The following RPS6KB1 variants were observed in gnomAD, a reference collection of about 807,000 sequenced individuals.
RPS6KB1 encodes ribosomal protein S6 kinase B1, also known as ribosomal protein S6 kinase beta-1.
A neutral mutation model predicts 70.2 loss-of-function variants in RPS6KB1; 12 were observed. The observed-to-expected ratio is 0.17, with a 90% confidence interval of 0.11 to 0.28. RPS6KB1 has a LOEUF of 0.28. Among genes scored for constraint, RPS6KB1 ranks in the 10% least tolerant of loss-of-function variants. RPS6KB1 has a pLI of 1.00. For synonymous variants in RPS6KB1, 175 were observed against 211.2 expected (o/e 0.83, Z 1.49); for missense variants, 270 against 646.6 (o/e 0.42, Z 6.32).
At position 59,935,215 on chromosome 17, in the gene RPS6KB1, G is replaced by A; in HGVS notation, c.893G>A (p.Arg298Lys). The A allele has an allele frequency of 6.2e-7, 1 of 1,611,454 alleles. No individual in the cohort carries two copies. The highest frequency in any genetic ancestry group is 8.5e-7 in the Non-Finnish European group (1 of 1,177,994). ...TAGCCCCCATTCACTGGGGAGAATAGAAAGAAAACAATTGACAAAATCCTC... is the reference window on the plus strand; with the variant it reads ...TAGCCCCCATTCACTGGGGAGAATAAAAAGAAAACAATTGACAAAATCCTC... The part of the protein sequence containing the change: ...TGAPPFTGEN[R>K]KKTIDKILKC... The change falls in exon 10 of 15, where the codon AGA becomes AAA. Residue 298 changes from arginine to lysine, a missense_variant. Transcript: ENST00000225577.
At chr17:59,933,111 A>G (rs954045802) in intron 7 of RPS6KB1, among the ~76,000 whole-genome samples, 2 of 152,120 alleles carry the variant, frequency 1.3e-5, no homozygotes, top group Non-Finnish European at 2.9e-5. Context: ...AGAATAATCC[A>G]TGAGGTAGTT....
intron 1 of RPS6KB1, among the ~76,000 whole-genome samples, chr17:59,902,578 C>CTTTTTTTTTT (rs559757964): frequency 7.4e-6 from 1 of 134,352 alleles, no homozygotes; most frequent in Non-Finnish European, 1.6e-5. Context: ...TTTTTTGTTT[C>CTTTTTTTTTT]TTTTTTTTTT....
At chr17:59,909,651 C>G (rs898095828) in intron 1 of RPS6KB1, among the ~76,000 whole-genome samples, 2 of 151,644 alleles carry the variant, frequency 1.3e-5, no homozygotes, top group Non-Finnish European at 1.5e-5. Context: ...CCGAGGAGGG[C>G]GGATCACCTG....
In RPS6KB1 at chr17:59,893,331, G is replaced by GCCCGGGGTC. The variant is rs1381349530; in HGVS notation, c.141+14_141+22dup. 6 of 1,600,834 alleles carry GCCCGGGGTC rather than the reference G, an allele frequency of 3.7e-6. No individual in the cohort carries two copies. The Admixed American group carries it at 8.7e-5, about 23-fold the overall frequency. ...AGGATGAGCTGGAGGAGGGGGTGAGGCCCGGGGTCCCCGGGGGCCCGAGGT... is the reference window on the plus strand; with the variant it reads ...AGGATGAGCTGGAGGAGGGGGTGAGGCCCGGGGTCCCCGGGGTCCCCGGGGGCCCGAGGT... On this transcript the variant is annotated splice_region_variant and intron_variant, in intron 1 of 14. Coordinates refer to ENST00000225577, the MANE Select transcript of RPS6KB1 (RefSeq NM_003161.4). This position sits in a 1 kb window ranked among gnomAD's most constrained non-coding sequence, Gnocchi z 4.1.
chr17:59,909,036 C>A (rs1160213877), intron 1 of RPS6KB1, among the ~76,000 whole-genome samples: 1 of 150,230 alleles, frequency 6.7e-6, no homozygotes, highest in Non-Finnish European at 1.5e-5. Context: ...AAGTGATTCT[C>A]CTGCCTCATC....
intron 1 of RPS6KB1, among the ~76,000 whole-genome samples, chr17:59,896,075 T>C (rs1326628679): frequency 2.0e-5 from 3 of 152,362 alleles, no homozygotes; most frequent in East Asian, 3.9e-4. Context: ...TTATCAGTTA[T>C]GTTGGTTCTC....
chr17:59,930,504 T>G (rs1221021778), intron 6 of RPS6KB1: 2 of 226,004 alleles, frequency 8.8e-6, no homozygotes. Flanking sequence ...CAATGGAAAT[T>G]ATCAGAAATC....
At chr17:59,913,252 C>G (rs1291804516) in intron 3 of RPS6KB1, among the ~76,000 whole-genome samples, 1 of 152,120 alleles carries the variant, frequency 6.6e-6, no homozygotes, top group Non-Finnish European at 1.5e-5. Flanking sequence ...GGGAAGAAAA[C>G]TATTTAGTTT....
intron 1 of RPS6KB1, among the ~76,000 whole-genome samples, chr17:59,905,535 G>T (rs1185785566): frequency 2.8e-5 from 4 of 144,674 alleles, no homozygotes; most frequent in Admixed American, 6.9e-5. Flanking sequence ...ACGGAGTTTT[G>T]CTCTTGTTGC....
chr17:59,898,618 T>G (rs561381186), intron 1 of RPS6KB1, among the ~76,000 whole-genome samples: 2 of 151,962 alleles, frequency 1.3e-5, no homozygotes, highest in Admixed American at 1.3e-4. Flanking sequence ...CACACCCAGC[T>G]AATTTTTTGT....
chr17:59,935,024 CTG>C (rs2144990869), intron 9 of RPS6KB1, 167 bp from the exon 10 acceptor site: 1 of 531,570 alleles, frequency 1.9e-6, no homozygotes, highest in African/African-American at 1.9e-5. Flanking sequence ...GAGACCCTGT[CTG>C]TAAAACAAAA....
chr17:59,940,757 G>A lies in RPS6KB1; in HGVS notation c.1120-79G>A, dbSNP rs954367138. The stretch of plus-strand genomic sequence containing the variant: ...ATTATAGTTAACCCCCGTGAAAAGA[G>A]CTCCCAGAGCTTACAGTGCATTTGA... On this transcript the variant is annotated intron_variant, in intron 12 of 14. Transcript: ENST00000225577. 4 of 807,842 alleles carry A rather than the reference G, an allele frequency of 5.0e-6. No individual in the cohort carries two copies. The African/African-American group carries it at 7.0e-5, about 14-fold the overall frequency. The allele number at this position is 807,842 out of a possible 1,614,324, so 50.0% of individuals were successfully genotyped here.
chr17:59,916,717 C>A (rs1343551223), intron 4 of RPS6KB1, among the ~76,000 whole-genome samples: 1 of 152,180 alleles, frequency 6.6e-6, no homozygotes, highest in Non-Finnish European at 1.5e-5. Context: ...CCTCTTGGCT[C>A]CTTCAGTGTT....
intron 1 of RPS6KB1, among the ~76,000 whole-genome samples, chr17:59,897,095 A>G (rs1357566491): frequency 6.6e-6 from 1 of 152,210 alleles, no homozygotes; most frequent in African/African-American, 2.4e-5. Flanking sequence ...TATGATAGCC[A>G]AAGATCACAT....
intron 13 of RPS6KB1, among the ~76,000 whole-genome samples, chr17:59,942,060 G>A (rs535987846): frequency 5.9e-5 from 9 of 151,792 alleles, no homozygotes; most frequent in Admixed American, 2.6e-4. Context: ...GGGTTTCATC[G>A]TGTTAGCCAG....
chr17:59,923,629 C>T (rs59791670), intron 4 of RPS6KB1, among the ~76,000 whole-genome samples: 7,573 of 152,082 alleles, frequency 0.05, 589 homozygotes, highest in African/African-American at 0.17. Context: ...TCTGCCTCCG[C>T]CTCCTGAGTA....
intron 4 of RPS6KB1, among the ~76,000 whole-genome samples, chr17:59,921,324 C>A (rs1442813747): frequency 6.6e-6 from 1 of 152,096 alleles, no homozygotes; most frequent in Non-Finnish European, 1.5e-5. Context: ...GCTAGAGGAT[C>A]TGATACTGTC....
At chr17:59,938,699 T>TTGTGTG (rs58751297) in intron 12 of RPS6KB1, among the ~76,000 whole-genome samples, 5,886 of 138,076 alleles carry the variant, frequency 0.043, 155 homozygotes, top group South Asian at 0.071. Context: ...AATGTGTAGT[T>TTGTGTG]TGTGTGTGTG....
chr17:59,941,966 C>T (rs538904623), intron 13 of RPS6KB1, among the ~76,000 whole-genome samples: 83 of 152,212 alleles, frequency 5.5e-4, no homozygotes, highest in African/African-American at 1.9e-3. Flanking sequence ...TCACACCATC[C>T]TCCTGCCTCA....
Sources: gnomAD v4.1 joint callset for allele counts (sites outside exome capture counted in the v4.1 genomes callset) on GRCh38, gnomAD v4.1.1 for gene constraint, Gnocchi (gnomAD v3.1) non-coding constraint, MANE v1.5 for transcripts, NCBI Gene and HGNC (gene_info 2026-07-23, HGNC 2026-07-21) for gene names.